FER: variants seen among roughly 807,000 people sequenced by gnomAD.
The protein encoded by FER is FER tyrosine kinase.
A neutral mutation model predicts 111.0 loss-of-function variants in FER; 63 were observed. The ratio of observed to expected loss-of-function variants is 0.57; its 90% CI spans 0.46 to 0.70. The LOEUF is 0.70. FER is among the 30% of genes least tolerant of loss of function. The probability of loss-of-function intolerance (pLI) is 0.00; values close to 1 mark genes in which losing one functional copy is unlikely to be tolerated. For synonymous variants in FER, 327 were observed against 313.9 expected (o/e 1.04, Z -0.44); for missense variants, 914 against 954.0 (o/e 0.96, Z 0.55).
chr5:109,132,965 C>G (rs755562618), intron 17 of FER, among the ~76,000 whole-genome samples: 4 of 152,128 alleles, frequency 2.6e-5, no homozygotes, highest in Non-Finnish European at 5.9e-5. Flanking sequence ...TGGAGGGAAG[C>G]CTGTTGCTGC....
At chr5:108,784,207 CAA>C (rs1348236199) in intron 2 of FER, 1 of 153,392 alleles carries the variant, frequency 6.5e-6, no homozygotes, top group Non-Finnish European at 1.5e-5. Flanking sequence ...CCTCTCAAGA[CAA>C]GAGCATCATT....
At chr5:109,014,561 G>A (rs573476501) in intron 13 of FER, among the ~76,000 whole-genome samples, 329 of 152,212 alleles carry the variant, frequency 2.2e-3, no homozygotes, top group African/African-American at 7.4e-3. Flanking sequence ...ACTTGGCGAT[G>A]TGGGCTCTTT....
chr5:108,793,714 C>T (rs1330344415), intron 2 of FER, among the ~76,000 whole-genome samples: 2 of 151,972 alleles, frequency 1.3e-5, no homozygotes, highest in African/African-American at 4.8e-5. Flanking sequence ...TTTTCCTTTC[C>T]TGTCTTCCTG....
In FER at chr5:109,046,643, G is replaced by C. The variant is rs117640138; in HGVS notation, c.1830-461G>C. Among the ~76,000 whole-genome samples the C allele has an allele frequency of 9.7e-4, 148 of 152,192 alleles. No homozygotes were observed. The East Asian group carries it at 0.022, about 22-fold the overall frequency. On this transcript the variant is annotated intron_variant, in intron 15 of 19. Transcript: ENST00000281092. ...GGTTCTGTATCTGTGGATTTGATCA[G>C]CCACAGAACAAAAATATTAGTGGGG...
chr5:109,145,046 T>A (rs1309051353), intron 17 of FER, among the ~76,000 whole-genome samples: 3 of 151,864 alleles, frequency 2.0e-5, no homozygotes, highest in Admixed American at 1.3e-4. Context: ...TTTTTTTTTT[T>A]ATGAAAATGT....
intron 16 of FER, among the ~76,000 whole-genome samples, chr5:109,070,485 A>T (rs1775642329): frequency 6.6e-6 from 1 of 151,990 alleles, no homozygotes; most frequent in South Asian, 2.1e-4. Flanking sequence ...TGTGAAATTT[A>T]GGTGTTCCCT....
intron 16 of FER, among the ~76,000 whole-genome samples, chr5:109,067,267 TTGC>T (rs141689251): frequency 6.0e-5 from 9 of 150,544 alleles, no homozygotes; most frequent in Non-Finnish European, 7.4e-5. Context: ...GTTGTTGCTG[TTGC>T]TGCTGCTGCT....
chr5:108,759,937 A>G (rs1368480620), intron 1 of FER, among the ~76,000 whole-genome samples: 2 of 152,250 alleles, frequency 1.3e-5, no homozygotes, highest in African/African-American at 4.8e-5. Flanking sequence ...GAAACAGCCC[A>G]CAGAGATATC....
chr5:109,151,567 G>A (rs1754858218), intron 17 of FER, among the ~76,000 whole-genome samples: 1 of 152,104 alleles, frequency 6.6e-6, no homozygotes, highest in South Asian at 2.1e-4. Context: ...TGCTGTAGTA[G>A]AAATTACTGG....
intron 13 of FER, among the ~76,000 whole-genome samples, chr5:109,015,664 G>C (rs1398076841): frequency 1.3e-5 from 2 of 152,026 alleles, no homozygotes; most frequent in Non-Finnish European, 2.9e-5. Flanking sequence ...TCATGCCTCG[G>C]GGAAGCAGGA....
intron 18 of FER, 48 bp downstream of exon 18, chr5:109,180,949 C>G (rs1285390270): frequency 6.7e-7 from 1 of 1,484,586 alleles, no homozygotes; most frequent in Admixed American, 2.3e-5. Context: ...TGAACGGCAT[C>G]AGCATAAAAC....
chr5:109,159,687 G>A (rs561063819), intron 17 of FER, among the ~76,000 whole-genome samples: 30 of 152,274 alleles, frequency 2.0e-4, no homozygotes, highest in African/African-American at 6.7e-4. Flanking sequence ...CAGGGATTAT[G>A]GCTGAGATAG....
At chr5:108,934,829 A>G (rs575786775) in intron 10 of FER, among the ~76,000 whole-genome samples, 54 of 152,130 alleles carry the variant, frequency 3.5e-4, no homozygotes, top group Non-Finnish European at 4.3e-4. Context: ...TATTTCTGAC[A>G]GTGGATTTTG....
intron 16 of FER, among the ~76,000 whole-genome samples, chr5:109,055,959 C>A (rs7719329): frequency 6.6e-6 from 1 of 151,584 alleles, no homozygotes; most frequent in East Asian, 1.9e-4. Flanking sequence ...TAAAAATGGC[C>A]GACAGATATA....
intron 11 of FER, 124 bp downstream of exon 11, chr5:108,946,346 G>T: frequency 1.7e-6 from 1 of 575,648 alleles, no homozygotes; most frequent in Admixed American, 3.2e-5. Flanking sequence ...ATATAAATTT[G>T]CACTTACAAA....
chr5:108,814,555 G>A (rs1421042213), intron 3 of FER, among the ~76,000 whole-genome samples: 1 of 152,154 alleles, frequency 6.6e-6, no homozygotes, highest in Non-Finnish European at 1.5e-5. Context: ...TATTTTGCAA[G>A]AATTGATGTT....
chr5:109,033,260 G>T lies in FER; in HGVS notation c.1657-4162G>T, dbSNP rs867421427. Among the ~76,000 whole-genome samples the T allele has an allele frequency of 3.2e-4, 49 of 152,040 alleles. 1 individual carries two copies. The highest frequency in any genetic ancestry group is 1.1e-3 in the African/African-American group (46 of 41,396). On this transcript the variant is annotated intron_variant, in intron 13 of 19. Coordinates refer to ENST00000281092, the MANE Select transcript of FER (RefSeq NM_005246.4). ...TATTTGAGAAGGTTGCAAAAAGTCT[G>T]CTTGTCCCTTTACAAAAAACAGAGC...
intron 13 of FER, among the ~76,000 whole-genome samples, chr5:109,026,764 C>T (rs147178750): frequency 0.027 from 4,081 of 152,194 alleles, 92 homozygotes; most frequent in Non-Finnish European, 0.04. Context: ...CTGCAACTTC[C>T]GCCTCCCGGG....
intron 1 of FER, among the ~76,000 whole-genome samples, chr5:108,767,580 G>C (rs1324719732): frequency 6.6e-6 from 1 of 152,134 alleles, no homozygotes; most frequent in African/African-American, 2.4e-5. Flanking sequence ...AACCTCCTGG[G>C]CTCAAGCAGT....
Sources: gnomAD v4.1 joint callset for allele counts (sites outside exome capture counted in the v4.1 genomes callset) on GRCh38, gnomAD v4.1.1 for gene constraint, MANE v1.5 for transcripts, NCBI Gene and HGNC (gene_info 2026-07-23, HGNC 2026-07-21) for gene names.